The following IFT43 variants were observed in gnomAD, a reference collection of about 807,000 sequenced individuals.
IFT43 encodes the protein intraflagellar transport 43, also known as intraflagellar transport protein 43 homolog.
In IFT43, 33 loss-of-function variants were observed where a neutral mutation model predicts 32.3. That is an observed-to-expected ratio of 1.02 (90% confidence interval 0.77 to 1.37). IFT43 has a LOEUF of 1.37. Among genes scored for constraint, IFT43 ranks in the 40% most tolerant of loss-of-function variants. The pLI is 0.00. For synonymous variants in IFT43, 93 were observed against 98.2 expected, an observed-to-expected ratio of 0.95 and a Z score of 0.31; for missense variants, 274 against 265.9, an observed-to-expected ratio of 1.03 and a Z score of -0.21.
At chr14:76,075,570 G>A (rs1374847458) in intron 5 of IFT43, among the ~76,000 whole-genome samples, 3 of 152,240 alleles carry the variant, frequency 2.0e-5, no homozygotes, top group African/African-American at 4.8e-5. Flanking sequence ...GGTTACTGGA[G>A]CGTTTGATGT....
At position 75,985,837 on chromosome 14, in the gene IFT43, C is replaced by T. The variant is rs2035509127; in HGVS notation, c.51C>T (p.Thr17=). Residue 17 remains threonine (T), a synonymous_variant, in exon 1 of 9, where the codon ACC becomes ACT. Coordinates refer to ENST00000314067, the MANE Select transcript of IFT43 (RefSeq NM_001102564.3). The part of the protein sequence containing the change: ...LDEELRYSLA[T]SRAKMGRRAQ... ...AGGAGCTTCGCTACAGCTTGGCTAC[C>T]TCCGTGAGGACCAATTCGGGGGCCT... 7 of 1,614,010 alleles carry T rather than the reference C, an allele frequency of 4.3e-6. No individual in the cohort carries two copies. Among genetic ancestry groups the T allele is most frequent in the African/African-American group, 1.3e-5 (1 of 74,916 alleles).
At chr14:75,991,361 A>T (rs191139991) in intron 2 of IFT43, among the ~76,000 whole-genome samples, 21 of 144,362 alleles carry the variant, frequency 1.5e-4, no homozygotes, top group African/African-American at 4.3e-4. Context: ...AGTATATATT[A>T]TATATATATA....
chr14:76,058,686 G>A lies in IFT43; in HGVS notation c.248+12G>A, dbSNP rs1223042490. On this transcript the variant is annotated intron_variant, in intron 4 of 8. Coordinates refer to ENST00000314067, the MANE Select transcript of IFT43 (RefSeq NM_001102564.3). ...GAAGAAATAGAAGAGTACGTTTCCAGTATTCTTATTCTTATGGTATCCTAT... is the reference window on the plus strand; with the variant it reads ...GAAGAAATAGAAGAGTACGTTTCCAATATTCTTATTCTTATGGTATCCTAT... 2 of 1,611,274 alleles carry A rather than the reference G, an allele frequency of 1.2e-6. No homozygotes were observed. The highest frequency in any genetic ancestry group is 4.5e-5 in the East Asian group (2 of 44,846).
At chr14:76,028,423 C>A (rs1383712530) in intron 3 of IFT43, among the ~76,000 whole-genome samples, 1 of 151,718 alleles carries the variant, frequency 6.6e-6, no homozygotes, top group Non-Finnish European at 1.5e-5. Flanking sequence ...TTTTCTTTTT[C>A]TATTGCTTTC....
chr14:76,063,406 T>C (rs2037177738), intron 5 of IFT43, among the ~76,000 whole-genome samples: 1 of 152,210 alleles, frequency 6.6e-6, no homozygotes, highest in East Asian at 1.9e-4. Flanking sequence ...TCCCCAGTCT[T>C]TCAGACTTTG....
At chr14:76,010,333 C>T (rs745633334) in intron 2 of IFT43, among the ~76,000 whole-genome samples, 4 of 152,150 alleles carry the variant, frequency 2.6e-5, no homozygotes, top group African/African-American at 4.8e-5. Flanking sequence ...TTGTTTTTCA[C>T]GAGCACATGC....
intron 2 of IFT43, among the ~76,000 whole-genome samples, chr14:75,991,679 G>T (rs935594486): frequency 1.3e-5 from 2 of 152,082 alleles, no homozygotes; most frequent in African/African-American, 4.8e-5. Flanking sequence ...TCCTTTCAGG[G>T]TTTCAGCCAT....
chr14:76,009,535 C>T (rs2036040778), intron 2 of IFT43, among the ~76,000 whole-genome samples: 1 of 152,164 alleles, frequency 6.6e-6, no homozygotes, highest in South Asian at 2.1e-4. Flanking sequence ...CTATTTTTGT[C>T]TCTGTCTCCT....
intron 5 of IFT43, among the ~76,000 whole-genome samples, chr14:76,060,211 GTTATTA>G (rs926453770): frequency 2.0e-4 from 31 of 151,772 alleles, no homozygotes; most frequent in African/African-American, 6.8e-4. Context: ...AATTATTATT[GTTATTA>G]TTATTATTAT....
chr14:76,073,691 A>G (rs1028508845), intron 5 of IFT43, among the ~76,000 whole-genome samples: 2 of 152,152 alleles, frequency 1.3e-5, no homozygotes, highest in African/African-American at 2.4e-5. Flanking sequence ...GACTAGGTTT[A>G]CCTAAAAGAC....
At chr14:76,012,497 G>A (rs78278575) in intron 2 of IFT43, among the ~76,000 whole-genome samples, 2,151 of 152,282 alleles carry the variant, frequency 0.014, 56 homozygotes, top group African/African-American at 0.045. Flanking sequence ...GACTGCAACC[G>A]CCAGTCACGT....
intron 5 of IFT43, among the ~76,000 whole-genome samples, chr14:76,069,997 G>T (rs1320309799): frequency 6.6e-6 from 1 of 152,176 alleles, no homozygotes; most frequent in Non-Finnish European, 1.5e-5. Context: ...AGGACAAGCT[G>T]GGTTGAGCCA....
chr14:76,059,688 T>A, intron 5 of IFT43: 2 of 410,136 alleles, frequency 4.9e-6, no homozygotes, highest in South Asian at 4.3e-5. Flanking sequence ...TCTAACCTCC[T>A]TGGCAAACCA....
intron 5 of IFT43, among the ~76,000 whole-genome samples, chr14:76,073,288 G>A (rs1350999320): frequency 6.6e-6 from 1 of 152,200 alleles, no homozygotes; most frequent in African/African-American, 2.4e-5. Context: ...GCAGGTAGCT[G>A]TTGCCTAGGT....
chr14:76,006,101 A>G (rs562726940), intron 2 of IFT43, among the ~76,000 whole-genome samples: 1 of 152,310 alleles, frequency 6.6e-6, no homozygotes, highest in South Asian at 2.1e-4. Context: ...GTGTTCTGAC[A>G]TTAGTGGTGC....
At chr14:76,070,319 C>CATA (rs1181833499) in intron 5 of IFT43, among the ~76,000 whole-genome samples, 1 of 152,174 alleles carries the variant, frequency 6.6e-6, no homozygotes, top group African/African-American at 2.4e-5. Context: ...ATTCTTTCAG[C>CATA]ATATCCTTCA....
chr14:75,997,275 C>A (rs1344251289), intron 2 of IFT43, among the ~76,000 whole-genome samples: 1 of 152,148 alleles, frequency 6.6e-6, no homozygotes, highest in Admixed American at 6.5e-5. Context: ...TGAAACCAGC[C>A]CCTTTGGCCT....
At position 75,989,060 on chromosome 14, in the gene IFT43, A is replaced by G. The variant is rs1397580534; in HGVS notation, c.147+83A>G. 1.6e-5 allele frequency: 25 copies of G among 1,520,484 alleles called. No individual in the cohort carries two copies. The East Asian group carries it at 2.8e-4, about 17-fold the overall frequency. 94.2% of individuals were successfully genotyped at this position (1,520,484 alleles called of 1,614,324 possible). On this transcript the variant is annotated intron_variant, in intron 2 of 8. Transcript: ENST00000314067. ...TTAATGACCAAGGATTTGGTATTCC[A>G]TATTTCTTCTCTTGAATGCCAACCC...
intron 3 of IFT43, among the ~76,000 whole-genome samples, chr14:76,056,998 C>T (rs1566728498): frequency 6.6e-6 from 1 of 152,154 alleles, no homozygotes; most frequent in East Asian, 1.9e-4. Context: ...GCCCTCATAA[C>T]CTTCATTGCT....
Sources: allele counts gnomAD v4.1 joint callset (sites outside exome capture counted in the v4.1 genomes callset), GRCh38; gene constraint gnomAD v4.1.1; transcripts MANE v1.5; gene names NCBI Gene and HGNC (gene_info 2026-07-23, HGNC 2026-07-21).